The following TEX11 variants were observed in gnomAD, a reference collection of about 807,000 sequenced individuals.
TEX11 encodes testis-expressed protein 11.
TEX11 carries 7 observed loss-of-function variants against 84.4 expected under a neutral mutation model. That is an observed-to-expected ratio of 0.08 (90% CI 0.05 to 0.16). The LOEUF is 0.16. Among genes scored for constraint, TEX11 ranks in the 10% least tolerant of loss-of-function variants. TEX11 has a pLI of 1.00. For missense variants in TEX11, 551 were observed against 660.5 expected (o/e 0.83, Z 1.82); for synonymous variants, 264 against 222.8 (o/e 1.18, Z -1.64).
chrX:70,883,386 C>T (rs2091693038), intron 2 of TEX11, among the ~76,000 whole-genome samples: 1 of 111,439 alleles, frequency 9.0e-6, no homozygotes, highest in Non-Finnish European at 1.9e-5. Flanking sequence ...GAGTTCGAGA[C>T]TACCCTGGGC....
At chrX:70,639,324 C>T (rs767088560) in intron 17 of TEX11, among the ~76,000 whole-genome samples, 50 of 111,890 alleles carry the variant, frequency 4.5e-4, no homozygotes, top group African/African-American at 1.5e-3. Flanking sequence ...AACTGCAAGG[C>T]GGCAGTGAGG....
intron 7 of TEX11, among the ~76,000 whole-genome samples, chrX:70,841,091 G>C (rs1053290175): frequency 1.8e-5 from 2 of 110,795 alleles, no homozygotes; most frequent in African/African-American, 6.6e-5. Flanking sequence ...AGTTAACAAG[G>C]ATACCCAGGA....
At chrX:70,675,276 G>GT (rs2090060843) in intron 15 of TEX11, among the ~76,000 whole-genome samples, 1 of 112,323 alleles carries the variant, frequency 8.9e-6, no homozygotes, top group Non-Finnish European at 1.9e-5. Context: ...TCCATCTGGT[G>GT]TAAGTTTCCT....
At chrX:70,519,927 T>C in the TEX11 span, among the ~76,000 whole-genome samples, 2 of 112,099 alleles carry the variant, frequency 1.8e-5, no homozygotes, top group East Asian at 5.6e-4. Context: ...AGCTTGTGCA[T>C]GCGTCACGTA....
chrX:70,586,239 T>A (rs1305836762), intron 25 of TEX11, among the ~76,000 whole-genome samples: 1 of 112,379 alleles, frequency 8.9e-6, no homozygotes, highest in African/African-American at 3.2e-5. Context: ...TTTATAGGAA[T>A]AAATCTTCAT....
chrX:70,641,043 C>T (rs1040382746), intron 17 of TEX11, among the ~76,000 whole-genome samples: 3 of 110,780 alleles, frequency 2.7e-5, no homozygotes, highest in Non-Finnish European at 3.8e-5. Context: ...CAGAGACACA[C>T]ATAGGCTCAA....
At chrX:70,584,213 G>A (rs1345255721) in intron 25 of TEX11, among the ~76,000 whole-genome samples, 1 of 107,607 alleles carries the variant, frequency 9.3e-6, no homozygotes, top group Non-Finnish European at 1.9e-5. Flanking sequence ...AACCCGGGAA[G>A]CGGAACTTGC....
rs971242983 is a variant in TEX11, at chrX:70,539,019, A to AATATATAT, written c.2521-9028_2521-9021dup. On this transcript the variant is annotated intron_variant, in intron 28 of 29. Coordinates refer to ENST00000374333, the MANE Select transcript of TEX11 (RefSeq NM_031276.3). ...TTAATGTGCATACAAGACACTTGGA[A>AATATATAT]ATATATATATATATATATATTTTTT... is the stretch of plus-strand genomic sequence containing the variant. Among the ~76,000 whole-genome samples the AATATATAT allele has an allele frequency of 9.6e-4, 46 of 47,821 alleles. 2 individuals are homozygous for AATATATAT. The highest frequency in any genetic ancestry group is 1.8e-3 in the African/African-American group (25 of 13,885). 41.5% of individuals were successfully genotyped at this position (47,821 alleles called of 115,157 possible). A position where few individuals can be genotyped will look rare whatever the true frequency, so the allele number is the denominator to read the frequency against.
intron 13 of TEX11, among the ~76,000 whole-genome samples, chrX:70,693,464 T>C (rs1479599527): frequency 9.0e-6 from 1 of 111,595 alleles, no homozygotes; most frequent in African/African-American, 3.3e-5. Flanking sequence ...TACAAAAACA[T>C]GGATGAACTT....
chrX:70,711,825 T>G (rs1324942200), intron 13 of TEX11, among the ~76,000 whole-genome samples: 1 of 111,832 alleles, frequency 8.9e-6, no homozygotes, highest in African/African-American at 3.2e-5. Context: ...TGGCTTTTGT[T>G]GCCATTGCTT....
At chrX:70,547,401 T>TA (rs760619808) in intron 28 of TEX11, among the ~76,000 whole-genome samples, 7 of 110,884 alleles carry the variant, frequency 6.3e-5, no homozygotes, top group African/African-American at 2.3e-4. Flanking sequence ...AAATTAAGAA[T>TA]AAAAAATCAG....
intron 16 of TEX11, among the ~76,000 whole-genome samples, chrX:70,665,776 T>A (rs913527878): frequency 9.0e-6 from 1 of 111,687 alleles, no homozygotes; most frequent in Non-Finnish European, 1.9e-5. Flanking sequence ...TCATTTTAAA[T>A]CAAAATAAAA....
chrX:70,840,933 T>C (rs1307862658), intron 7 of TEX11, among the ~76,000 whole-genome samples: 240 of 110,638 alleles, frequency 2.2e-3, no homozygotes, highest in Non-Finnish European at 4.1e-3. Flanking sequence ...GAACTAACTA[T>C]CCTAAATATA....
rs766730184 is a variant in TEX11 at position 70,770,517 on chromosome X, G to C, written c.693-26298C>G. ...GGTGCAGCGCACCAGCATGGCACAT[G>C]TATACATATGTAACTAACCTGCACA... On this transcript the variant is annotated intron_variant, in intron 9 of 29. Transcript: ENST00000374333. 3.6e-5 allele frequency among the ~76,000 whole-genome samples: 4 copies of C among 110,894 alleles called. No individual in the cohort carries two copies. The East Asian group carries it at 1.1e-3, about 31-fold the overall frequency.
chrX:70,630,136 C>T (rs1336319532), intron 17 of TEX11, among the ~76,000 whole-genome samples: 1 of 110,154 alleles, frequency 9.1e-6, no homozygotes, highest in East Asian at 2.8e-4. Flanking sequence ...CACGGTGAAA[C>T]CCCGTCTCTA....
In TEX11 at chrX:70,540,665, T is replaced by C. The variant is rs192735984; in HGVS notation, c.2521-10666A>G. ...TCTTCAAACACTGAGTATTTTCTCA[T>C]GTAAAACTGAGTGAACAACCCTGAC... On this transcript the variant is annotated intron_variant, in intron 28 of 29. Coordinates refer to ENST00000374333, the MANE Select transcript of TEX11 (RefSeq NM_031276.3). Among the ~76,000 whole-genome samples the C allele has an allele frequency of 1.9e-4, 21 of 111,349 alleles. No individual in the cohort carries two copies. In the East Asian group the frequency reaches 5.9e-3, roughly 31 times the overall value.
At chrX:70,831,227 A>G (rs2091375217) in intron 8 of TEX11, among the ~76,000 whole-genome samples, 1 of 112,193 alleles carries the variant, frequency 8.9e-6, no homozygotes, top group African/African-American at 3.2e-5. Context: ...CAAATACTGC[A>G]TGATCTCACT....
intron 28 of TEX11, among the ~76,000 whole-genome samples, chrX:70,533,893 A>G (rs142151865): frequency 0.08 from 8,755 of 109,355 alleles, 422 homozygotes; most frequent in Admixed American, 0.25. Flanking sequence ...AGAGATCGAG[A>G]CCATCCTGGC....
chrX:70,752,923 G>T (rs1238362331), intron 9 of TEX11, among the ~76,000 whole-genome samples: 1 of 110,226 alleles, frequency 9.1e-6, no homozygotes, highest in Non-Finnish European at 1.9e-5. Flanking sequence ...ACAATTATGA[G>T]GCATTGAACT....
Sources: gnomAD v4.1 joint callset for allele counts (sites outside exome capture counted in the v4.1 genomes callset) on GRCh38, gnomAD v4.1.1 for gene constraint, MANE v1.5 for transcripts, NCBI Gene and HGNC (gene_info 2026-07-23, HGNC 2026-07-21) for gene names.